Variants in GNG12 observed in about 807,000 individuals in gnomAD.
GNG12 encodes the protein guanine nucleotide-binding protein G(I)/G(S)/G(O) subunit gamma-12.
For missense variants in GNG12, 69 were observed against 83.8 expected (o/e 0.82, Z 0.69); for synonymous variants, 28 against 29.7 (o/e 0.94, Z 0.19).
At chr1:67,799,434 G>A (rs1205941187) in intron 1 of GNG12, among the ~76,000 whole-genome samples, 1 of 152,142 alleles carries the variant, frequency 6.6e-6, no homozygotes. Flanking sequence ...GCATTGTATA[G>A]TATTCTACAA....
chr1:67,773,232 T>C (rs1424560603), intron 2 of GNG12, among the ~76,000 whole-genome samples: 1 of 152,160 alleles, frequency 6.6e-6, no homozygotes, highest in African/African-American at 2.4e-5. Flanking sequence ...GAATTAAAAC[T>C]TTTTCTTCCT....
intron 2 of GNG12, among the ~76,000 whole-genome samples, chr1:67,773,523 C>T (rs1646686526): frequency 6.6e-6 from 1 of 152,194 alleles, no homozygotes; most frequent in Admixed American, 6.5e-5. Context: ...GCCTCTCAAA[C>T]TGCCCCCAAA....
At chr1:67,755,318 T>C (rs1298370153) in intron 2 of GNG12, among the ~76,000 whole-genome samples, 1 of 152,242 alleles carries the variant, frequency 6.6e-6, no homozygotes, top group Non-Finnish European at 1.5e-5. Flanking sequence ...GGTTTTCTGT[T>C]ACTTGGAGCT....
At chr1:67,734,759 T>G (rs895489530) in intron 2 of GNG12, among the ~76,000 whole-genome samples, 6 of 152,254 alleles carry the variant, frequency 3.9e-5, no homozygotes, top group Non-Finnish European at 7.3e-5. Flanking sequence ...CCTGAGTAGC[T>G]AGGACTACAG....
rs180711750 is a variant in GNG12 at position 67,824,650 on chromosome 1, T to C, written c.-77+8694A>G. Among the ~76,000 whole-genome samples the C allele has an allele frequency of 3.3e-3, 504 of 152,282 alleles. 1 individual carries two copies. The highest frequency in any genetic ancestry group is 5.4e-3 in the Non-Finnish European group (370 of 68,026). ...CATATATTATATATTTTCAAAAATA[T>C]TGAAGTTGTATAAGCAATTTTCCCA... is the stretch of plus-strand genomic sequence containing the variant. On this transcript the variant is annotated intron_variant, in intron 1 of 3. Transcript: ENST00000370982.
At chr1:67,820,238 A>T (rs1646977375) in intron 1 of GNG12, among the ~76,000 whole-genome samples, 1 of 152,000 alleles carries the variant, frequency 6.6e-6, no homozygotes, top group African/African-American at 2.4e-5. Context: ...AAAATACAAA[A>T]ATTAGCTGGG....
chr1:67,796,982 T>C (rs1027817679), intron 1 of GNG12, among the ~76,000 whole-genome samples: 13 of 152,142 alleles, frequency 8.5e-5, no homozygotes, highest in African/African-American at 2.9e-4. Context: ...CAATCAGCTC[T>C]TGCGTGAACT....
chr1:67,710,050 TTATATATATATAGTTATATATATAGTTA>T (rs1646280663), intron 2 of GNG12, among the ~76,000 whole-genome samples: 3 of 43,302 alleles, frequency 6.9e-5, no homozygotes, highest in African/African-American at 8.6e-5. Context: ...ATATATATAG[TTATATATATATAGTTATATATATAGTTA>T]TATATATATA....
intron 1 of GNG12, among the ~76,000 whole-genome samples, chr1:67,811,998 T>G (rs891661636): frequency 6.6e-6 from 1 of 152,154 alleles, no homozygotes; most frequent in African/African-American, 2.4e-5. Flanking sequence ...AAAATCAAGA[T>G]AGACAGTCAC....
At chr1:67,784,271 T>A (rs12036274) in intron 1 of GNG12, among the ~76,000 whole-genome samples, 34,391 of 133,450 alleles carry the variant, frequency 0.26, 4,204 homozygotes, top group South Asian at 0.33. Flanking sequence ...AACAATGAGA[T>A]CACATGGACA....
chr1:67,740,792 A>G (rs1399049094), intron 2 of GNG12, among the ~76,000 whole-genome samples: 1 of 152,186 alleles, frequency 6.6e-6, no homozygotes, highest in Admixed American at 6.5e-5. Context: ...GTACATAGCA[A>G]GAAGGCACCG....
At chr1:67,736,265 C>T (rs577830477) in intron 2 of GNG12, among the ~76,000 whole-genome samples, 3 of 152,046 alleles carry the variant, frequency 2.0e-5, no homozygotes, top group Non-Finnish European at 2.9e-5. Flanking sequence ...GCCTGCCAAG[C>T]GTGAGAGTGT....
intron 2 of GNG12, among the ~76,000 whole-genome samples, chr1:67,727,093 A>AT (rs1257420073): frequency 6.6e-6 from 1 of 152,234 alleles, no homozygotes; most frequent in Non-Finnish European, 1.5e-5. Context: ...GTCCAAGGGT[A>AT]ATTCATCTTA....
chr1:67,813,296 T>C (rs1203309873), intron 1 of GNG12, among the ~76,000 whole-genome samples: 5 of 152,192 alleles, frequency 3.3e-5, no homozygotes, highest in East Asian at 1.9e-4. Flanking sequence ...CCACTTAAGA[T>C]GGTGAAGAAC....
chr1:67,827,705 G>A (rs958936999), intron 1 of GNG12, among the ~76,000 whole-genome samples: 9 of 151,632 alleles, frequency 5.9e-5, no homozygotes, highest in Admixed American at 5.9e-4. Context: ...GATTACAGGC[G>A]TGAGCGACTG....
intron 2 of GNG12, among the ~76,000 whole-genome samples, chr1:67,759,532 C>T (rs1646590253): frequency 6.6e-6 from 1 of 152,166 alleles, no homozygotes; most frequent in African/African-American, 2.4e-5. Context: ...TCTTGGTGCA[C>T]CTCAATTTCC....
At chr1:67,794,990 G>A (rs567544469) in intron 1 of GNG12, among the ~76,000 whole-genome samples, 1 of 152,220 alleles carries the variant, frequency 6.6e-6, no homozygotes, top group African/African-American at 2.4e-5. Context: ...CCAAAGTACA[G>A]AAAATACGAT....
chr1:67,733,222 T>C (rs1646431110), intron 2 of GNG12, among the ~76,000 whole-genome samples: 1 of 152,184 alleles, frequency 6.6e-6, no homozygotes, highest in African/African-American at 2.4e-5. Flanking sequence ...CTAGCCCTAT[T>C]TTTGGAGCTG....
chr1:67,730,832 T>C (rs1451206702), intron 2 of GNG12, among the ~76,000 whole-genome samples: 1 of 152,240 alleles, frequency 6.6e-6, no homozygotes, highest in Non-Finnish European at 1.5e-5. Flanking sequence ...GGAACCCTTT[T>C]CAATACGGCT....
Sources: gnomAD v4.1 joint callset for allele counts (sites outside exome capture counted in the v4.1 genomes callset) on GRCh38, gnomAD v4.1.1 for gene constraint, MANE v1.5 for transcripts, NCBI Gene and HGNC (gene_info 2026-07-23, HGNC 2026-07-21) for gene names.